TASP1: variants seen among roughly 807,000 people sequenced by gnomAD.
The protein encoded by TASP1 is taspase 1.
A neutral mutation model predicts 56.6 loss-of-function variants in TASP1; 16 were observed. The observed-to-expected ratio is 0.28, with a 90% CI of 0.19 to 0.43. The LOEUF is 0.43. Among genes scored for constraint, TASP1 ranks in the 20% least tolerant of loss-of-function variants. The probability of loss-of-function intolerance (pLI) is 1.00; values close to 1 mark genes in which losing one functional copy is unlikely to be tolerated. For missense variants in TASP1, 393 were observed against 511.6 expected, an observed-to-expected ratio of 0.77 and a Z score of 2.24; for synonymous variants, 179 against 184.2, an observed-to-expected ratio of 0.97 and a Z score of 0.23.
chr20:13,389,030 T>TA (rs902453704), downstream of TASP1, among the ~76,000 whole-genome samples: 379 of 147,368 alleles, frequency 2.6e-3, no homozygotes, highest in African/African-American at 5.0e-3. Context: ...ACTTCTTACA[T>TA]AAAAAAAAAA....
At chr20:13,141,068 G>A in the TASP1 span, among the ~76,000 whole-genome samples, 19 of 152,252 alleles carry the variant, frequency 1.2e-4, no homozygotes, top group East Asian at 3.1e-3. Flanking sequence ...AAAAAACAGG[G>A]ACTAAGTGGG....
In TASP1 at chr20:13,590,695, A is replaced by G. The variant is rs1446289858; in HGVS notation, c.283-3325T>C. On this transcript the variant is annotated intron_variant, in intron 4 of 13. Coordinates refer to ENST00000337743, the MANE Select transcript of TASP1 (RefSeq NM_017714.3). ...AGCCTGGCCAACATGGTGAAACCCC[A>G]TCTCTACTAAAAATACAAAAATTAG... Among the ~76,000 whole-genome samples, 94 of 151,864 alleles carry G rather than the reference A, an allele frequency of 6.2e-4. 1 individual carries two copies. The highest frequency in any genetic ancestry group is 3.9e-3 in the Admixed American group (60 of 15,226).
intron 13 of TASP1, among the ~76,000 whole-genome samples, chr20:13,395,842 T>C (rs1600670232): frequency 6.6e-6 from 1 of 151,944 alleles, no homozygotes; most frequent in Admixed American, 6.6e-5. Flanking sequence ...GCTGGGACTA[T>C]AGGCGCGTGC....
At chr20:13,410,503 T>C (rs1185246434) in intron 13 of TASP1, among the ~76,000 whole-genome samples, 2 of 152,214 alleles carry the variant, frequency 1.3e-5, no homozygotes, top group Non-Finnish European at 2.9e-5. Context: ...ATATTTTGTC[T>C]TTTTAATAAC....
chr20:13,376,940 G>C, the TASP1 span, among the ~76,000 whole-genome samples: 2 of 152,206 alleles, frequency 1.3e-5, no homozygotes, highest in African/African-American at 4.8e-5. Flanking sequence ...CTGAGACTTT[G>C]CAGAAGTTGC....
At chr20:13,515,107 C>T (rs1231225543) in intron 10 of TASP1, among the ~76,000 whole-genome samples, 5 of 152,248 alleles carry the variant, frequency 3.3e-5, no homozygotes, top group Admixed American at 6.6e-5. Context: ...GTTGTATTCA[C>T]TTCTGTTTGC....
At chr20:13,189,764 T>C in the TASP1 span, among the ~76,000 whole-genome samples, 119 of 152,088 alleles carry the variant, frequency 7.8e-4, no homozygotes, top group Non-Finnish European at 1.6e-3. Flanking sequence ...GAACTAAAAA[T>C]AGAGTTACCA....
At chr20:13,393,092 T>C in intron 13 of TASP1, 1 of 620,356 alleles carries the variant, frequency 1.6e-6, no homozygotes, top group Non-Finnish European at 3.0e-6. Context: ...ATGAGAAGTA[T>C]GACAACAGTC....
intron 11 of TASP1, among the ~76,000 whole-genome samples, chr20:13,443,500 T>C (rs2043294901): frequency 6.6e-6 from 1 of 152,202 alleles, no homozygotes; most frequent in African/African-American, 2.4e-5. Flanking sequence ...CTTTATTCAC[T>C]ATAATAATCT....
chr20:13,511,912 A>T (rs972049988), intron 10 of TASP1, among the ~76,000 whole-genome samples: 2 of 151,998 alleles, frequency 1.3e-5, no homozygotes, highest in Admixed American at 6.6e-5. Context: ...AGCTTCATCC[A>T]TGTCCCTACA....
At chr20:13,530,212 T>C (rs2045168254) in intron 9 of TASP1, among the ~76,000 whole-genome samples, 1 of 152,170 alleles carries the variant, frequency 6.6e-6, no homozygotes, top group African/African-American at 2.4e-5. Context: ...GTCTCCCATG[T>C]TCATGTGACC....
At position 13,595,488 on chromosome 20, in the gene TASP1, G is replaced by A. The variant is rs369261538; in HGVS notation, c.283-8118C>T. Among the ~76,000 whole-genome samples the A allele has an allele frequency of 3.3e-4, 50 of 152,148 alleles. No individual in the cohort carries two copies. In the East Asian group the frequency reaches 5.2e-3, roughly 16 times the overall value. ...GCTGTATTCAGGAAACCCATCTCACGTGCAGAGACACACATAGGCTCAAAA... is the reference window on the plus strand; with the variant it reads ...GCTGTATTCAGGAAACCCATCTCACATGCAGAGACACACATAGGCTCAAAA... On this transcript the variant is annotated intron_variant, in intron 4 of 13. Coordinates refer to ENST00000337743, the MANE Select transcript of TASP1 (RefSeq NM_017714.3).
chr20:13,309,658 T>A, the TASP1 span, among the ~76,000 whole-genome samples: 516 of 152,328 alleles, frequency 3.4e-3, 5 homozygotes, highest in African/African-American at 0.012. Context: ...AGTGAATTTA[T>A]CTCTGTTTGC....
chr20:13,343,670 G>A, the TASP1 span, among the ~76,000 whole-genome samples: 26 of 150,438 alleles, frequency 1.7e-4, no homozygotes, highest in Non-Finnish European at 3.2e-4. Flanking sequence ...GTCCTGTGAT[G>A]TGGAGCTCCC....
chr20:13,129,587 G>GT, the TASP1 span, among the ~76,000 whole-genome samples: 1 of 152,216 alleles, frequency 6.6e-6, no homozygotes, highest in East Asian at 1.9e-4. Context: ...ATTAGCTTGT[G>GT]TCTCAACAAA....
the TASP1 span, chr20:13,292,528 G>T: frequency 7.0e-6 from 7 of 993,520 alleles, 1 homozygote; most frequent in South Asian, 1.0e-4. Flanking sequence ...TTTTGCTTTT[G>T]CAATGCCATC....
the TASP1 span, among the ~76,000 whole-genome samples, chr20:13,118,355 C>T: frequency 7.7e-5 from 11 of 143,514 alleles, no homozygotes; most frequent in Non-Finnish European, 1.2e-4. Flanking sequence ...AATATCTTAT[C>T]AATATGCCTT....
At chr20:13,233,595 CAAAAAAAA>C in the TASP1 span, among the ~76,000 whole-genome samples, 182 of 63,750 alleles carry the variant, frequency 2.9e-3, no homozygotes, top group African/African-American at 0.01. Context: ...AACTCCATCT[CAAAAAAAA>C]AAAAAAAAAA....
rs529516866 is a variant in TASP1 at position 13,482,211 on chromosome 20, C to T, written c.985+1016G>A. ...GTATGTTCTTGACAACTTTGTGGAA[C>T]GTGAGTTCATTGTAGGTGTGTGGAT... is the stretch of plus-strand genomic sequence containing the variant. On this transcript the variant is annotated intron_variant, in intron 11 of 13. Transcript: ENST00000337743. 3.3e-5 allele frequency among the ~76,000 whole-genome samples: 5 copies of T among 152,170 alleles called. No individual in the cohort carries two copies. In the South Asian group the frequency reaches 8.3e-4, roughly 25 times the overall value.
Sources: gnomAD v4.1 joint callset for allele counts (sites outside exome capture counted in the v4.1 genomes callset) on GRCh38, gnomAD v4.1.1 for gene constraint, MANE v1.5 for transcripts, NCBI Gene and HGNC (gene_info 2026-07-23, HGNC 2026-07-21) for gene names.